Variants in NPIPB11 observed in about 807,000 individuals in gnomAD.
NPIPB11 encodes nuclear pore complex-interacting protein family member B11.
Under a neutral mutation model 32.8 loss-of-function variants are expected in NPIPB11, and 17 were observed. The ratio of observed to expected loss-of-function variants is 0.52; its 90% CI spans 0.35 to 0.78. The LOEUF (loss-of-function observed/expected upper bound fraction) is 0.78, where lower values mean the gene tolerates loss of function less well. Among genes scored for constraint, NPIPB11 ranks in the 30% least tolerant of loss-of-function variants. NPIPB11 has a pLI of 0.01. For synonymous variants in NPIPB11, 209 were observed against 398.4 expected, an observed-to-expected ratio of 0.52 and a Z score of 5.66; for missense variants, 537 against 1,000.4, an observed-to-expected ratio of 0.54 and a Z score of 6.25.
chr16:29,391,999 G>T (rs1963734073), intron 3 of NPIPB11, among the ~76,000 whole-genome samples: 1 of 152,074 alleles, frequency 6.6e-6, no homozygotes, highest in African/African-American at 2.4e-5. Flanking sequence ...GGGATTACAG[G>T]CATGAGCCAC....
At chr16:29,399,966 A>T (rs1233492010) in intron 2 of NPIPB11, among the ~76,000 whole-genome samples, 1 of 151,202 alleles carries the variant, frequency 6.6e-6, no homozygotes, top group Non-Finnish European at 1.5e-5. Context: ...AATCCCAGCT[A>T]CTCAGGAGAC....
At chr16:29,383,184 G>T (rs777430790) in exon 8 of NPIPB11, 2 of 1,592,860 alleles carry the variant, frequency 1.3e-6, no homozygotes, top group Non-Finnish European at 8.5e-7. Flanking sequence ...ATGCTCGGCA[G>T]GTGTCTTGAT....
chr16:29,382,204 G>A (rs1963509035), exon 8 of NPIPB11: 1 of 1,503,684 alleles, frequency 6.7e-7, no homozygotes, highest in Admixed American at 1.9e-5. Context: ...GGAGCTGAGG[G>A]TGGAAGGGGA....
At chr16:29,401,394 C>T (rs528740946) in intron 2 of NPIPB11, among the ~76,000 whole-genome samples, 1 of 152,112 alleles carries the variant, frequency 6.6e-6, no homozygotes, top group Non-Finnish European at 1.5e-5. Context: ...GAGTTCACTG[C>T]TGATTACATC....
intron 2 of NPIPB11, among the ~76,000 whole-genome samples, chr16:29,401,663 C>CAT (rs1963994412): frequency 6.6e-6 from 1 of 152,082 alleles, no homozygotes; most frequent in Non-Finnish European, 1.5e-5. Context: ...AGTGGATGTA[C>CAT]CCATGGGATT....
intron 2 of NPIPB11, among the ~76,000 whole-genome samples, chr16:29,399,166 G>T (rs1963929478): frequency 6.6e-6 from 1 of 152,044 alleles, no homozygotes; most frequent in Non-Finnish European, 1.5e-5. Context: ...GACCCCCACT[G>T]TCCATCACCT....
rs539429066 is a variant in NPIPB11 at position 29,400,711 on chromosome 16, G to A, written c.120+2972C>T. ...TCTGGGCACTCCTGGGGACAGCTGAGTGGTAGGACTCCTGGGTCCCCAGGG... is the reference window on the plus strand; with the variant it reads ...TCTGGGCACTCCTGGGGACAGCTGAATGGTAGGACTCCTGGGTCCCCAGGG... On this transcript the variant is annotated intron_variant, in intron 2 of 7. Coordinates refer to ENST00000524087, the Ensembl canonical transcript of NPIPB11. 7.9e-5 allele frequency among the ~76,000 whole-genome samples: 12 copies of A among 152,124 alleles called. No homozygotes were observed. In the East Asian group the frequency reaches 2.3e-3, roughly 29 times the overall value.
chr16:29,396,419 AAG>A (rs1963853353), intron 2 of NPIPB11, among the ~76,000 whole-genome samples: 1 of 150,514 alleles, frequency 6.6e-6, no homozygotes. Flanking sequence ...TATGATAAGA[AAG>A]AGACTGGCTG....
rs368091929 is a variant in NPIPB11 at position 29,402,547 on chromosome 16, C to G, written c.120+1136G>C. ...TGAAACCCCATCTCTACTAAGAATACAAAAATTAGCTGGGCATGATGGTGC... is the reference window on the plus strand; with the variant it reads ...TGAAACCCCATCTCTACTAAGAATAGAAAAATTAGCTGGGCATGATGGTGC... On this transcript the variant is annotated intron_variant, in intron 2 of 7. Coordinates refer to ENST00000524087, the Ensembl canonical transcript of NPIPB11. Among the ~76,000 whole-genome samples the G allele has an allele frequency of 4.5e-3, 242 of 53,760 alleles. 6 individuals carry two copies. In the East Asian group the frequency reaches 0.053, roughly 12 times the overall value. 35.3% of individuals were successfully genotyped at this position (53,760 alleles called of 152,430 possible).
chr16:29,400,133 C>G (rs1288570134), intron 2 of NPIPB11, among the ~76,000 whole-genome samples: 1 of 150,910 alleles, frequency 6.6e-6, no homozygotes, highest in Admixed American at 6.6e-5. Flanking sequence ...AAAGGAGAGA[C>G]CAAGTAAGTG....
At chr16:29,394,519 C>T (rs1438664482) in intron 2 of NPIPB11, among the ~76,000 whole-genome samples, 1 of 151,622 alleles carries the variant, frequency 6.6e-6, no homozygotes, top group Non-Finnish European at 1.5e-5. Context: ...ACTACAACCT[C>T]CAGCTCCTGG....
chr16:29,399,809 T>C (rs966623411), intron 2 of NPIPB11, among the ~76,000 whole-genome samples: 2 of 151,834 alleles, frequency 1.3e-5, no homozygotes, highest in Non-Finnish European at 2.9e-5. Context: ...CTGGGCATGG[T>C]GGCTCACGCC....
chr16:29,396,763 AAAAT>A (rs1261544322), intron 2 of NPIPB11, among the ~76,000 whole-genome samples: 35 of 133,530 alleles, frequency 2.6e-4, no homozygotes, highest in African/African-American at 5.1e-4. Flanking sequence ...CTGTCTCAAA[AAAAT>A]AAATAAATAA....
upstream of NPIPB11, among the ~76,000 whole-genome samples, chr16:29,406,312 G>A (rs1196918933): frequency 6.6e-6 from 1 of 152,228 alleles, no homozygotes; most frequent in Non-Finnish European, 1.5e-5. Context: ...TATATTTATG[G>A]GTATGTTGTT....
At chr16:29,396,932 G>C (rs1963868732) in intron 2 of NPIPB11, among the ~76,000 whole-genome samples, 2 of 151,824 alleles carry the variant, frequency 1.3e-5, no homozygotes, top group Non-Finnish European at 1.5e-5. Context: ...GGCGGATCAC[G>C]AGGTCAAGAG....
At chr16:29,399,143 G>C in intron 2 of NPIPB11, among the ~76,000 whole-genome samples, 1 of 151,848 alleles carries the variant, frequency 6.6e-6, no homozygotes, top group African/African-American at 2.4e-5. Flanking sequence ...CCAGGGGTCT[G>C]GTGACCAGGA....
intron 2 of NPIPB11, among the ~76,000 whole-genome samples, chr16:29,395,526 T>C (rs1391218385): frequency 5.2e-5 from 6 of 114,786 alleles, no homozygotes; most frequent in African/African-American, 1.9e-4. Flanking sequence ...TGGATGCATT[T>C]ATTATATATC....
At chr16:29,398,729 A>G (rs1244359457) in intron 2 of NPIPB11, among the ~76,000 whole-genome samples, 1 of 149,690 alleles carries the variant, frequency 6.7e-6, no homozygotes, top group Non-Finnish European at 1.5e-5. Context: ...ATAAGAAAGA[A>G]TCCAAAATGA....
intron 2 of NPIPB11, among the ~76,000 whole-genome samples, chr16:29,395,902 C>T (rs1434848827): frequency 6.6e-5 from 10 of 150,774 alleles, no homozygotes; most frequent in Admixed American, 2.0e-4. Context: ...CACTTGAACC[C>T]GGGAGGCAGA....
Sources: allele counts gnomAD v4.1 joint callset (sites outside exome capture counted in the v4.1 genomes callset), GRCh38; gene constraint gnomAD v4.1.1; transcripts MANE v1.5; gene names NCBI Gene and HGNC (gene_info 2026-07-23, HGNC 2026-07-21).